CACNB2: variants seen among roughly 807,000 people sequenced by gnomAD.
CACNB2 encodes calcium voltage-gated channel auxiliary subunit beta 2.
CACNB2 carries 42 observed loss-of-function variants against 73.3 expected under a neutral mutation model. The observed-to-expected ratio is 0.57, with a 90% confidence interval of 0.45 to 0.74. The LOEUF (loss-of-function observed/expected upper bound fraction) is 0.74. Ranked by LOEUF, CACNB2 falls within the 30% of genes least tolerant of loss-of-function variation. The pLI is 0.00. For missense variants in CACNB2, 940 were observed against 853.0 expected, an observed-to-expected ratio of 1.10 and a Z score of -1.27; for synonymous variants, 348 against 310.3, an observed-to-expected ratio of 1.12 and a Z score of -1.28.
chr10:18,188,864 G>A lies in CACNB2; in HGVS notation c.213+37889G>A, dbSNP rs150078708. Among the ~76,000 whole-genome samples the A allele has an allele frequency of 2.5e-3, 387 of 152,254 alleles. 1 individual carries two copies. Among genetic ancestry groups the A allele is most frequent in the African/African-American group, 8.9e-3 (368 of 41,556 alleles). On this transcript the variant is annotated intron_variant, in intron 2 of 13. Transcript: ENST00000324631. ...TTAAGACTGGGGACTAGTTCTATGC[G>A]TGTGTGTGGATCATACTATGAAACT...
At chr10:18,195,653 A>C (rs1052379328) in intron 2 of CACNB2, among the ~76,000 whole-genome samples, 4 of 152,228 alleles carry the variant, frequency 2.6e-5, no homozygotes, top group Non-Finnish European at 5.9e-5. Flanking sequence ...TAGACTGTTC[A>C]GACTGTCGGT....
At chr10:18,273,650 A>G (rs1485233807) in intron 2 of CACNB2, among the ~76,000 whole-genome samples, 4 of 152,214 alleles carry the variant, frequency 2.6e-5, no homozygotes, top group Non-Finnish European at 5.9e-5. Context: ...TTGCCTTTCC[A>G]GTAGGATTTG....
intron 2 of CACNB2, among the ~76,000 whole-genome samples, chr10:18,352,302 G>A (rs1410448015): frequency 1.3e-5 from 2 of 152,228 alleles, no homozygotes; most frequent in African/African-American, 2.4e-5. Context: ...CATGGCATCT[G>A]ATCTCCTTAA....
At chr10:18,505,941 G>A (rs1486233859) in intron 5 of CACNB2, among the ~76,000 whole-genome samples, 1 of 152,144 alleles carries the variant, frequency 6.6e-6, no homozygotes, top group Non-Finnish European at 1.5e-5. Context: ...GTTTAGTCAT[G>A]TTTCTTCGTG....
chr10:18,189,161 A>T (rs949241028), intron 2 of CACNB2, among the ~76,000 whole-genome samples: 1 of 152,142 alleles, frequency 6.6e-6, no homozygotes, highest in Admixed American at 6.5e-5. Flanking sequence ...AAAATTCCTC[A>T]AAGTAGTTTC....
At chr10:18,189,978 G>A (rs1054533808) in intron 2 of CACNB2, among the ~76,000 whole-genome samples, 8 of 152,164 alleles carry the variant, frequency 5.3e-5, no homozygotes, top group Non-Finnish European at 1.0e-4. Context: ...AAGTATGTAC[G>A]GAAAGCCCGT....
chr10:18,466,635 T>C (rs568732298), intron 3 of CACNB2, among the ~76,000 whole-genome samples: 1 of 152,300 alleles, frequency 6.6e-6, no homozygotes, highest in South Asian at 2.1e-4. Context: ...AGCTGTTAAT[T>C]TGAGAATCCA....
chr10:18,400,542 C>G, intron 2 of CACNB2: 1 of 1,008,634 alleles, frequency 9.9e-7, no homozygotes, highest in East Asian at 9.5e-5. Flanking sequence ...TGTGGGAGTG[C>G]GTCCTCCTCC....
At chr10:18,448,329 G>A (rs1261062881) in intron 3 of CACNB2, among the ~76,000 whole-genome samples, 2 of 151,972 alleles carry the variant, frequency 1.3e-5, no homozygotes, top group Non-Finnish European at 2.9e-5. Flanking sequence ...AATTAGCAGG[G>A]CATGATGGTG....
chr10:18,482,037 C>T (rs2048808143), intron 3 of CACNB2, among the ~76,000 whole-genome samples: 1 of 152,020 alleles, frequency 6.6e-6, no homozygotes, highest in Non-Finnish European at 1.5e-5. Context: ...TTACAGGCGC[C>T]TGCCACCATG....
intron 2 of CACNB2, among the ~76,000 whole-genome samples, chr10:18,398,469 AGCCAGCCTGG>A (rs1263665367): frequency 6.6e-6 from 1 of 152,048 alleles, no homozygotes; most frequent in Non-Finnish European, 1.5e-5. Context: ...GTTTGAGACC[AGCCAGCCTGG>A]GCAACATAGT....
At chr10:18,160,874 T>C (rs1487600833) in intron 2 of CACNB2, among the ~76,000 whole-genome samples, 2 of 152,236 alleles carry the variant, frequency 1.3e-5, no homozygotes, top group Non-Finnish European at 2.9e-5. Context: ...GAGGGTTCAG[T>C]ATTGAGACAT....
At chr10:18,327,349 G>T (rs2040625457) in intron 2 of CACNB2, among the ~76,000 whole-genome samples, 1 of 152,102 alleles carries the variant, frequency 6.6e-6, no homozygotes, top group Non-Finnish European at 1.5e-5. Context: ...AAAAATATCA[G>T]ATATACCTAA....
At position 18,514,422 on chromosome 10, in the gene CACNB2, A is replaced by C. The variant is rs144714406; in HGVS notation, c.804+53A>C. The C allele has an allele frequency of 2.2e-4, 347 of 1,613,840 alleles. 3 individuals carry two copies. The East Asian group carries it at 7.6e-3, about 35-fold the overall frequency. The stretch of plus-strand genomic sequence containing the variant: ...TCCACCTGCTCAACTGCACTGCGTC[A>C]CATTTCTAGTCCTGTTGACTGTCTG... On this transcript the variant is annotated intron_variant, in intron 7 of 13. Coordinates refer to ENST00000324631, the MANE Select transcript of CACNB2 (RefSeq NM_201596.3).
At chr10:18,402,796 A>G (rs2044076720) in intron 3 of CACNB2, among the ~76,000 whole-genome samples, 1 of 152,226 alleles carries the variant, frequency 6.6e-6, no homozygotes, top group African/African-American at 2.4e-5. Flanking sequence ...TGGGATACTC[A>G]GTCACTTCTC....
Position 18,340,946 on chromosome 10 carries a change from T to A in CACNB2, c.214-60978T>A, listed in dbSNP as rs1006602326. ...TCTAGCATGCTTGACAGACGCCTTA[T>A]AGCTCCTCAAACTAAATACATTATT... is the stretch of plus-strand genomic sequence containing the variant. On this transcript the variant is annotated intron_variant, in intron 2 of 13. Coordinates refer to ENST00000324631, the MANE Select transcript of CACNB2 (RefSeq NM_201596.3). The A allele has an allele frequency of 6.2e-7, 1 of 1,614,032 alleles. No homozygotes were observed. Among genetic ancestry groups the A allele is most frequent in the African/African-American group, 1.3e-5 (1 of 74,898 alleles).
chr10:18,247,372 C>T (rs1177533866), intron 2 of CACNB2, among the ~76,000 whole-genome samples: 1 of 152,152 alleles, frequency 6.6e-6, no homozygotes, highest in African/African-American at 2.4e-5. Context: ...CAATAAAGGA[C>T]CATTCAAACA....
intron 2 of CACNB2, among the ~76,000 whole-genome samples, chr10:18,394,875 G>A (rs776950419): frequency 3.9e-5 from 6 of 152,164 alleles, no homozygotes; most frequent in Non-Finnish European, 7.3e-5. Context: ...TAGCCTCTAA[G>A]TAATTGTGCT....
chr10:18,522,425 G>T (rs1376692019), intron 9 of CACNB2, among the ~76,000 whole-genome samples: 2 of 152,142 alleles, frequency 1.3e-5, no homozygotes, highest in Non-Finnish European at 2.9e-5. Context: ...TGCTGCAATA[G>T]ATAGTATTTG....
Sources: gnomAD v4.1 joint callset for allele counts (sites outside exome capture counted in the v4.1 genomes callset) on GRCh38, gnomAD v4.1.1 for gene constraint, MANE v1.5 for transcripts, NCBI Gene and HGNC (gene_info 2026-07-23, HGNC 2026-07-21) for gene names.